The following ZNF718 variants were observed in gnomAD, a reference collection of about 807,000 sequenced individuals.
The protein encoded by ZNF718 is zinc finger protein 718.
A neutral mutation model predicts 2.6 loss-of-function variants in ZNF718; 3 were observed. The observed-to-expected ratio is 1.16, with a 90% CI of 0.53 to 3.01. ZNF718 has a LOEUF of 3.01. Ranked by LOEUF, ZNF718 falls within the 30% of genes most tolerant of loss-of-function variation. ZNF718 has a pLI of 0.03. For synonymous variants in ZNF718, 135 were observed against 77.9 expected, an observed-to-expected ratio of 1.73 and a Z score of -3.86; for missense variants, 468 against 230.0, an observed-to-expected ratio of 2.03 and a Z score of -6.69.
chr4:153,570 T>G (rs1716433579), intron 3 of ZNF718, among the ~76,000 whole-genome samples: 2 of 152,230 alleles, frequency 1.3e-5, no homozygotes, highest in South Asian at 4.1e-4. Flanking sequence ...TTTTCATATT[T>G]TTATCAATGA....
rs1475377657 is a variant in ZNF718, at chr4:190,424, C to T, written c.227-10657C>T. Among the ~76,000 whole-genome samples the T allele has an allele frequency of 5.8e-5, 7 of 121,390 alleles. No homozygotes were observed. The East Asian group carries it at 1.5e-3, about 25-fold the overall frequency. 79.6% of individuals were successfully genotyped at this position (121,390 alleles called of 152,430 possible). A position where few individuals can be genotyped will look rare whatever the true frequency, so the allele number is the denominator to read the frequency against. The stretch of plus-strand genomic sequence containing the variant: ...CAGCCTGGGTGAGAGAGCAAAACTC[C>T]ATCTCAAAAAAAAAAAAAAAAAGAA... On this transcript the variant is annotated intron_variant and NMD_transcript_variant, in intron 3 of 4. Transcript: ENST00000642529.
chr4:147,450 T>C (rs1382192700), intron 3 of ZNF718, among the ~76,000 whole-genome samples: 1 of 152,174 alleles, frequency 6.6e-6, no homozygotes, highest in Non-Finnish European at 1.5e-5. Context: ...TTAAGTGCAT[T>C]GGAGCCAGGT....
rs1716809320 is a variant in ZNF718, at chr4:161,097, A to G, written c.412A>G (p.Thr138Ala). 2 of 770,930 alleles carry G rather than the reference A, an allele frequency of 2.6e-6. No individual in the cohort carries two copies. The highest frequency in any genetic ancestry group is 4.8e-6 in the Non-Finnish European group (2 of 412,532). The allele number at this position is 770,930 out of a possible 1,614,324, so 47.8% of individuals were successfully genotyped here. A position where few individuals can be genotyped will look rare whatever the true frequency, so the allele number is the denominator to read the frequency against. Residue 138 changes from threonine (T) to alanine (A), a missense_variant, in exon 4 of 4, where the codon ACC becomes GCC. Transcript: ENST00000510175. ...TAGAATTAACCAATGCTTATTAACT[A>G]CCCAGAAAAAAACAATTCAATCTAA... The part of the protein sequence containing the change: ...YNRINQCLLT[T>A]QKKTIQSNIC...
intron 3 of ZNF718, among the ~76,000 whole-genome samples, chr4:182,396 TTTGA>T (rs1208048612): frequency 6.7e-6 from 1 of 148,844 alleles, no homozygotes; most frequent in Non-Finnish European, 1.5e-5. Context: ...TAGTTTTGAT[TTTGA>T]TTTATATTTA....
rs1363235170 is a variant in ZNF718 at position 124,527 on chromosome 4, G to C, written c.-144G>C. ...GCTTTTGCTTGTAGCTCCAGCCAGA[G>C]CTCGGTTAGGGCCTCATCGCTCTGC... On this transcript the variant is annotated 5_prime_UTR_variant, in exon 1 of 4. Coordinates refer to ENST00000510175, the MANE Select transcript of ZNF718 (RefSeq NM_001039127.6). 3.0e-5 allele frequency: 35 copies of C among 1,172,412 alleles called. No homozygotes were observed. The highest frequency in any genetic ancestry group is 4.5e-5 in the African/African-American group (3 of 66,062). The allele number at this position is 1,172,412 out of a possible 1,614,324, so 72.6% of individuals were successfully genotyped here. A position where few individuals can be genotyped will look rare whatever the true frequency, so the allele number is the denominator to read the frequency against.
intron 3 of ZNF718, among the ~76,000 whole-genome samples, chr4:192,741 G>A (rs1553821431): frequency 6.6e-6 from 1 of 152,214 alleles, no homozygotes; most frequent in East Asian, 1.9e-4. Flanking sequence ...CTTAGTCACG[G>A]ACTGCATCTG....
downstream of ZNF718, among the ~76,000 whole-genome samples, chr4:168,252 C>G (rs1212426028): frequency 6.6e-6 from 1 of 152,144 alleles, no homozygotes; most frequent in Non-Finnish European, 1.5e-5. Context: ...TTCGGTTTGC[C>G]AGTATTTTAT....
downstream of ZNF718, among the ~76,000 whole-genome samples, chr4:166,802 G>T (rs1717098857): frequency 6.6e-6 from 1 of 152,034 alleles, no homozygotes; most frequent in African/African-American, 2.4e-5. Context: ...TCTGTAGGTT[G>T]CCTGTTCACT....
Position 161,017 on chromosome 4 carries a change from T to G in ZNF718, c.332T>G (p.Leu111Ter), listed in dbSNP as rs1716802021. The change falls in exon 4 of 4, where the codon TTA (leucine) becomes TGA (stop). Residue 111 changes from leucine to a stop codon, truncating the protein, a stop_gained. Transcript: ENST00000510175. LOFTEE classifies it low-confidence loss of function (END_TRUNC). ...KGHEKRGHEN[L>*]RKTCKSINEC... ...CATGAGAAACGTGGACATGAGAATT[T>G]AAGAAAAACTTGTAAAAGTATAAAT... 1 of 780,812 alleles carries G rather than the reference T, an allele frequency of 1.3e-6. No homozygotes were observed. The highest frequency in any genetic ancestry group is 1.7e-5 in the African/African-American group (1 of 59,134). 48.4% of individuals were successfully genotyped at this position (780,812 alleles called of 1,614,324 possible).
chr4:197,348 G>T (rs1553822200), intron 3 of ZNF718, among the ~76,000 whole-genome samples: 1 of 152,086 alleles, frequency 6.6e-6, no homozygotes, highest in Non-Finnish European at 1.5e-5. Context: ...ATGGGGCTAA[G>T]AAAGACAAAG....
downstream of ZNF718, among the ~76,000 whole-genome samples, chr4:165,260 A>C (rs75180101): frequency 1.3e-5 from 2 of 152,152 alleles, no homozygotes; most frequent in Non-Finnish European, 2.9e-5. Flanking sequence ...GAGGGTATTT[A>C]TAGCTTATCA....
At chr4:139,459 C>T (rs1187027397) in intron 3 of ZNF718, among the ~76,000 whole-genome samples, 1 of 152,224 alleles carries the variant, frequency 6.6e-6, no homozygotes, top group Non-Finnish European at 1.5e-5. Context: ...TTCCATAGGG[C>T]ATGGGCCATA....
At chr4:197,238 G>A (rs1337881737) in intron 3 of ZNF718, among the ~76,000 whole-genome samples, 1 of 152,012 alleles carries the variant, frequency 6.6e-6, no homozygotes, top group Non-Finnish European at 1.5e-5. Flanking sequence ...ACACTCTAGA[G>A]TTTACAAAAC....
chr4:143,132 G>A (rs1364593344), intron 3 of ZNF718, among the ~76,000 whole-genome samples: 1 of 152,154 alleles, frequency 6.6e-6, no homozygotes, highest in Non-Finnish European at 1.5e-5. Flanking sequence ...ACTGAGAGTG[G>A]CTCTAAGGCC....
At chr4:156,767 A>G (rs782746144) in intron 3 of ZNF718, among the ~76,000 whole-genome samples, 5 of 152,068 alleles carry the variant, frequency 3.3e-5, no homozygotes, top group Non-Finnish European at 5.9e-5. Flanking sequence ...ATTAAGATTT[A>G]TTTTTATTTC....
chr4:141,538 G>A (rs1399387935), intron 3 of ZNF718, among the ~76,000 whole-genome samples: 1 of 152,110 alleles, frequency 6.6e-6, no homozygotes, highest in African/African-American at 2.4e-5. Flanking sequence ...TTTTTGGATG[G>A]ATCAGAGGGC....
chr4:169,985 C>T (rs191747151), intron 3 of ZNF718, among the ~76,000 whole-genome samples: 1,737 of 152,224 alleles, frequency 0.011, 20 homozygotes, highest in Middle Eastern at 0.034. Flanking sequence ...GTGGCTGGTA[C>T]CAGTTATTCC....
chr4:149,642 C>G (rs1238255326), intron 3 of ZNF718: 1 of 151,952 alleles, frequency 6.6e-6, no homozygotes, highest in African/African-American at 2.4e-5. Flanking sequence ...ATTTTTATTG[C>G]CTATAAAAGT....
intron 3 of ZNF718, among the ~76,000 whole-genome samples, chr4:189,692 C>A (rs1717655118): frequency 6.6e-6 from 1 of 152,070 alleles, no homozygotes; most frequent in African/African-American, 2.4e-5. Flanking sequence ...CATTCTTGTT[C>A]CATTTTTTGA....
Sources: gnomAD v4.1 joint callset for allele counts (sites outside exome capture counted in the v4.1 genomes callset) on GRCh38, gnomAD v4.1.1 for gene constraint, MANE v1.5 for transcripts, NCBI Gene and HGNC (gene_info 2026-07-23, HGNC 2026-07-21) for gene names.